Variants in GSTT4 observed in about 807,000 individuals in gnomAD.
GSTT4 encodes the protein glutathione S-transferase theta-4.
chr22:23,998,441 T>TTTTTTG lies in GSTT4; in HGVS notation c.*100_*101insCAAAAA, dbSNP rs1569037643. On this transcript the variant is annotated 3_prime_UTR_variant, in exon 5 of 5. Transcript: ENST00000621179. ...TTCTTTATTAGGCAAAGAACAGTTG[T>TTTTTTG]TTTTTTGTTTTTTTGTTTTTTTTTT... 2 of 24,762 alleles carry TTTTTTG rather than the reference T, an allele frequency of 8.1e-5. No homozygotes were observed. The highest frequency in any genetic ancestry group is 9.8e-4 in the East Asian group (2 of 2,040). The allele number at this position is 24,762 out of a possible 1,614,324, so 1.5% of individuals were successfully genotyped here.
chr22:24,003,079 C>T (rs952275307), intron 2 of GSTT4, among the ~76,000 whole-genome samples: 3 of 152,250 alleles, frequency 2.0e-5, no homozygotes, highest in African/African-American at 7.2e-5. Context: ...AAGCGATCCT[C>T]CCGTGTCAGC....
At chr22:23,995,310 A>G (rs1225998145), downstream of GSTT4, among the ~76,000 whole-genome samples, 5 of 152,140 alleles carry the variant, frequency 3.3e-5, no homozygotes, top group African/African-American at 1.2e-4. Flanking sequence ...TTTTAAGACA[A>G]GCTTTTGGAA....
intron 2 of GSTT4, among the ~76,000 whole-genome samples, chr22:24,002,602 G>A (rs1019060266): frequency 1.3e-4 from 20 of 152,214 alleles, no homozygotes; most frequent in African/African-American, 4.3e-4. Flanking sequence ...AGGCCGAGGC[G>A]GGGGGATCAT....
intron 2 of GSTT4, among the ~76,000 whole-genome samples, chr22:24,002,178 T>G (rs980735304): frequency 6.6e-6 from 1 of 152,264 alleles, no homozygotes; most frequent in Non-Finnish European, 1.5e-5. Flanking sequence ...GTTATGGACT[T>G]AATGCTTAAG....
the GSTT4 span, among the ~76,000 whole-genome samples, chr22:23,992,403 G>C: frequency 6.7e-6 from 1 of 149,260 alleles, no homozygotes; most frequent in Non-Finnish European, 1.5e-5. Context: ...TGGGATAGTA[G>C]CTCTCAAATC....
At chr22:23,990,840 T>C in the GSTT4 span, among the ~76,000 whole-genome samples, 1 of 94,400 alleles carries the variant, frequency 1.1e-5, no homozygotes, top group Non-Finnish European at 2.4e-5. Flanking sequence ...TTTTGAAGAA[T>C]GTTTTGTATT....
intron 4 of GSTT4, among the ~76,000 whole-genome samples, chr22:23,999,255 G>T (rs1233234680): frequency 6.6e-6 from 1 of 152,078 alleles, no homozygotes; most frequent in African/African-American, 2.4e-5. Context: ...GGTGTGTGTG[G>T]GTGAAATGTA....
chr22:23,992,506 G>C, the GSTT4 span, among the ~76,000 whole-genome samples: 7 of 150,226 alleles, frequency 4.7e-5, no homozygotes, highest in Non-Finnish European at 1.0e-4. Context: ...GACCATACAA[G>C]GATGTGAATA....
chr22:23,991,170 G>C, the GSTT4 span, among the ~76,000 whole-genome samples: 1,149 of 61,204 alleles, frequency 0.019, no homozygotes, highest in Middle Eastern at 0.049. Flanking sequence ...AGAGTTAGAT[G>C]CTGTCTCCAA....
chr22:23,996,533 T>C (rs2034117458), downstream of GSTT4, among the ~76,000 whole-genome samples: 1 of 152,192 alleles, frequency 6.6e-6, no homozygotes, highest in Non-Finnish European at 1.5e-5. Flanking sequence ...CTCGTCTTCA[T>C]CTGCTGAGTA....
downstream of GSTT4, among the ~76,000 whole-genome samples, chr22:23,995,408 T>C (rs1053590965): frequency 2.6e-5 from 4 of 152,178 alleles, no homozygotes; most frequent in Non-Finnish European, 5.9e-5. Context: ...TCTCTTTACA[T>C]TTATTACACA....
chr22:23,997,906 T>TG (rs2034133396), downstream of GSTT4, among the ~76,000 whole-genome samples: 1 of 152,210 alleles, frequency 6.6e-6, no homozygotes, highest in South Asian at 2.1e-4. Context: ...ATGTCCCTTG[T>TG]GATTTCTTCT....
chr22:23,999,734 A>G (rs2034184398), intron 4 of GSTT4, among the ~76,000 whole-genome samples: 1 of 143,140 alleles, frequency 7.0e-6, no homozygotes, highest in Non-Finnish European at 1.5e-5. Flanking sequence ...GCCAGTGAAC[A>G]TTTCCTGGAG....
chr22:23,989,880 C>A, the GSTT4 span, among the ~76,000 whole-genome samples: 2 of 149,138 alleles, frequency 1.3e-5, no homozygotes, highest in Admixed American at 1.4e-4. Context: ...GGCCTCTTTG[C>A]CCTTCTACTG....
At chr22:23,995,964 G>A (rs1229199721), downstream of GSTT4, among the ~76,000 whole-genome samples, 1 of 141,434 alleles carries the variant, frequency 7.1e-6, no homozygotes, top group African/African-American at 2.6e-5. Flanking sequence ...ATTTTATTGA[G>A]ATGGAGTCTC....
intron 2 of GSTT4, among the ~76,000 whole-genome samples, chr22:24,001,764 T>A (rs1601576000): frequency 6.6e-6 from 1 of 152,244 alleles, no homozygotes; most frequent in Admixed American, 6.5e-5. Flanking sequence ...TGGGGGCAGA[T>A]CCCTTGAGGC....
rs1232729994 is a variant in GSTT4 at position 23,998,440 on chromosome 22, G to GTTTTTTTTTTT, written c.*101_*102insAAAAAAAAAAA. On this transcript the variant is annotated 3_prime_UTR_variant, in exon 5 of 5. Coordinates refer to ENST00000621179, the MANE Select transcript of GSTT4 (RefSeq NM_001358664.2). ...GTTCTTTATTAGGCAAAGAACAGTT[G>GTTTTTTTTTTT]TTTTTTTGTTTTTTTGTTTTTTTTT... 7 of 140,018 alleles carry GTTTTTTTTTTT rather than the reference G, an allele frequency of 5.0e-5. 1 individual carries two copies. In the East Asian group the frequency reaches 6.5e-4, roughly 13 times the overall value. The allele number at this position is 140,018 out of a possible 1,614,324, so 8.7% of individuals were successfully genotyped here.
At chr22:23,992,052 CAAAAAAAA>C in the GSTT4 span, among the ~76,000 whole-genome samples, 4 of 71,200 alleles carry the variant, frequency 5.6e-5, no homozygotes, top group Admixed American at 3.7e-4. Flanking sequence ...TACTCCGTCT[CAAAAAAAA>C]AAAAAAAAAA....
chr22:23,992,891 T>C, the GSTT4 span, among the ~76,000 whole-genome samples: 129,172 of 150,956 alleles, frequency 0.86, 55,549 homozygotes, highest in African/African-American at 0.96. Context: ...CCTTCTGCCT[T>C]ACCCTCCCAT....
Sources: allele counts gnomAD v4.1 joint callset (sites outside exome capture counted in the v4.1 genomes callset), GRCh38; gene constraint gnomAD v4.1.1; transcripts MANE v1.5; gene names NCBI Gene and HGNC (gene_info 2026-07-23, HGNC 2026-07-21).